The following UNC80 variants were observed in gnomAD, a reference collection of about 807,000 sequenced individuals.
UNC80 encodes the protein protein unc-80 homolog.
Under a neutral mutation model 384.6 loss-of-function variants are expected in UNC80, and 164 were observed. The observed-to-expected ratio is 0.43, with a 90% CI of 0.38 to 0.49. The LOEUF (loss-of-function observed/expected upper bound fraction) is 0.49, where lower values mean the gene tolerates loss of function less well. Ranked by LOEUF, UNC80 falls within the 20% of genes least tolerant of loss-of-function variation. The probability of loss-of-function intolerance (pLI) is 0.00; values close to 1 mark genes in which losing one functional copy is unlikely to be tolerated. For synonymous variants in UNC80, 1,486 were observed against 1,527.8 expected, an observed-to-expected ratio of 0.97 and a Z score of 0.64; for missense variants, 3,330 against 4,143.0, an observed-to-expected ratio of 0.80 and a Z score of 5.39.
intron 62 of UNC80, 117 bp downstream of exon 62, chr2:209,992,364 A>C: frequency 5.3e-6 from 5 of 944,242 alleles, no homozygotes; most frequent in Non-Finnish European, 3.2e-6. Flanking sequence ...AATCCCAGCT[A>C]CTGGGGAGGC....
chr2:209,977,044 A>G lies in UNC80; in HGVS notation c.8904A>G (p.Leu2968=), dbSNP rs1473346534. The change falls in exon 58 of 65, where the codon CTA becomes CTG. Residue 2968 remains leucine (L), a synonymous_variant. Transcript: ENST00000673920. The part of the protein sequence containing the change: ...SSLIAEFNSE[L]KILKEAVHSG... ...TCATTGCTGAGTTCAACAGTGAACT[A>G]AAAATTCTAAAAGAGGCAGTTCATA... 17 of 1,522,502 alleles carry G rather than the reference A, an allele frequency of 1.1e-5. No individual in the cohort carries two copies. Among genetic ancestry groups the G allele is most frequent in the South Asian group, 6.0e-5 (5 of 82,822 alleles). 94.3% of individuals were successfully genotyped at this position (1,522,502 alleles called of 1,614,324 possible). A position where few individuals can be genotyped will look rare whatever the true frequency, so the allele number is the denominator to read the frequency against.
intron 45 of UNC80, among the ~76,000 whole-genome samples, chr2:209,944,685 C>T (rs73003394): frequency 0.089 from 13,602 of 152,110 alleles, 866 homozygotes; most frequent in Middle Eastern, 0.2. Flanking sequence ...TTAAAATAAG[C>T]ATACATTCCG....
In UNC80 at chr2:209,812,591, C is replaced by T. The variant is rs186560383; in HGVS notation, c.939-989C>T. ...GTACAAACATCTCTCTTTTGCATCA[C>T]CTAAATCAGAAGGAAATTGTGCTTG... On this transcript the variant is annotated intron_variant, in intron 7 of 64. Coordinates refer to ENST00000673920, the MANE Select transcript of UNC80 (RefSeq NM_001371986.1). 1.1e-3 allele frequency among the ~76,000 whole-genome samples: 164 copies of T among 152,200 alleles called. 1 individual carries two copies. Among genetic ancestry groups the T allele is most frequent in the Non-Finnish European group, 2.0e-3 (133 of 68,010 alleles).
At chr2:209,988,264 T>C (rs959629509) in intron 61 of UNC80, among the ~76,000 whole-genome samples, 3 of 152,174 alleles carry the variant, frequency 2.0e-5, no homozygotes, top group Non-Finnish European at 4.4e-5. Context: ...TTGTGCCACC[T>C]CTACATTTCT....
intron 44 of UNC80, among the ~76,000 whole-genome samples, chr2:209,942,637 A>G (rs887191132): frequency 2.6e-5 from 4 of 152,200 alleles, no homozygotes; most frequent in South Asian, 4.1e-4. Context: ...TATGGGGGCA[A>G]GAAAGTTACT....
chr2:209,824,574 G>T (rs566356624), intron 13 of UNC80, among the ~76,000 whole-genome samples: 40 of 152,234 alleles, frequency 2.6e-4, no homozygotes, highest in Non-Finnish European at 5.3e-4. Flanking sequence ...GTTGGGTGAG[G>T]CAGCTCTCTA....
intron 14 of UNC80, among the ~76,000 whole-genome samples, chr2:209,828,837 A>C (rs948237093): frequency 6.6e-6 from 1 of 152,146 alleles, no homozygotes; most frequent in African/African-American, 2.4e-5. Context: ...TGTGGCATGC[A>C]TCTTCCCATT....
At chr2:209,881,490 T>A (rs929779369) in intron 25 of UNC80, among the ~76,000 whole-genome samples, 2 of 152,220 alleles carry the variant, frequency 1.3e-5, no homozygotes, top group African/African-American at 2.4e-5. Context: ...TGCTTCTTAA[T>A]GAGTGTTCTC....
chr2:209,937,024 G>A, intron 41 of UNC80, 91 bp downstream of exon 41: 1 of 865,372 alleles, frequency 1.2e-6, no homozygotes, highest in Non-Finnish European at 1.9e-6. Context: ...AGGCATCGCT[G>A]TTTAGAAGGT....
At chr2:209,936,009 G>A (rs774838220) in intron 40 of UNC80, among the ~76,000 whole-genome samples, 22 of 151,962 alleles carry the variant, frequency 1.4e-4, no homozygotes, top group Non-Finnish European at 2.5e-4. Context: ...ACTTTAGTCA[G>A]TAAACTTTTA....
At chr2:209,888,020 G>C in intron 25 of UNC80, 75 bp from the exon 26 acceptor site, 1 of 1,442,626 alleles carries the variant, frequency 6.9e-7, no homozygotes, top group Non-Finnish European at 9.4e-7. Flanking sequence ...ATTCAAAATG[G>C]TGGGAGGCTT....
chr2:209,798,963 C>T (rs531408592), intron 7 of UNC80, among the ~76,000 whole-genome samples: 12 of 150,548 alleles, frequency 8.0e-5, no homozygotes, highest in East Asian at 3.9e-4. Context: ...GGATTACAGG[C>T]GCGATCCACC....
intron 13 of UNC80, among the ~76,000 whole-genome samples, chr2:209,823,867 A>G (rs1051071557): frequency 6.6e-6 from 1 of 152,098 alleles, no homozygotes; most frequent in African/African-American, 2.4e-5. Context: ...TCAAACTAAA[A>G]ATCCAAAAAT....
chr2:209,800,917 A>G (rs918256052), intron 7 of UNC80, among the ~76,000 whole-genome samples: 1 of 152,112 alleles, frequency 6.6e-6, no homozygotes, highest in Non-Finnish European at 1.5e-5. Flanking sequence ...GGTCTGTGAG[A>G]CTGTTTGTTA....
At chr2:209,901,597 A>C (rs2087409418) in intron 28 of UNC80, among the ~76,000 whole-genome samples, 1 of 152,286 alleles carries the variant, frequency 6.6e-6, no homozygotes, top group Middle Eastern at 3.4e-3. Flanking sequence ...CCACAGATCA[A>C]GGTGTATTTT....
In UNC80 at chr2:209,941,229, G is replaced by GA; in HGVS notation, c.6657dup (p.Leu2220ThrfsTer41). 6.6e-7 allele frequency: 1 copy of GA among 1,509,498 alleles called. No homozygotes were observed. The highest frequency in any genetic ancestry group is 8.9e-7 in the Non-Finnish European group (1 of 1,118,272). The allele number at this position is 1,509,498 out of a possible 1,614,324, so 93.5% of individuals were successfully genotyped here. Reference sequence around the variant, plus strand: ...GTTTCATGTTCTCACAGCTGGAAAGGAACTGTTTGGCCTCGACACTCTTCA... The same window carrying GA: ...GTTTCATGTTCTCACAGCTGGAAAGGAAACTGTTTGGCCTCGACACTCTTCA... On this transcript the variant is annotated frameshift_variant, in exon 44 of 65. Coordinates refer to ENST00000673920, the MANE Select transcript of UNC80 (RefSeq NM_001371986.1). LOFTEE classifies it high-confidence loss of function.
At chr2:209,941,027 A>T (rs1404510288) in intron 43 of UNC80, among the ~76,000 whole-genome samples, 194 bp from the exon 44 acceptor site, 3 of 152,172 alleles carry the variant, frequency 2.0e-5, no homozygotes, top group Non-Finnish European at 4.4e-5. Context: ...AGAGGTGATG[A>T]TGAAAGTTCA....
chr2:209,866,533 C>CACACACACACAG (rs1307214321), intron 22 of UNC80, among the ~76,000 whole-genome samples: 5 of 104,134 alleles, frequency 4.8e-5, no homozygotes, highest in African/African-American at 1.6e-4. Context: ...CACACACACA[C>CACACACACACAG]AGAGAGAGAG....
intron 22 of UNC80, among the ~76,000 whole-genome samples, chr2:209,850,883 C>A (rs2082482997): frequency 6.6e-6 from 1 of 152,004 alleles, no homozygotes; most frequent in Non-Finnish European, 1.5e-5. Context: ...AGGAGCCAAT[C>A]CCCTGTTTTC....
Sources: allele counts gnomAD v4.1 joint callset (sites outside exome capture counted in the v4.1 genomes callset), GRCh38; gene constraint gnomAD v4.1.1; transcripts MANE v1.5; gene names NCBI Gene and HGNC (gene_info 2026-07-23, HGNC 2026-07-21).